The following DNAH17 variants were observed in gnomAD, a reference collection of about 807,000 sequenced individuals.
DNAH17 encodes dynein axonemal heavy chain 17.
DNAH17 carries 376 observed loss-of-function variants against 485.6 expected under a neutral mutation model. The observed-to-expected ratio is 0.77, with a 90% CI of 0.71 to 0.84. The LOEUF (loss-of-function observed/expected upper bound fraction) is 0.84, where lower values mean the gene tolerates loss of function less well. Among genes scored for constraint, DNAH17 ranks in the 40% least tolerant of loss-of-function variants. The pLI is 0.00. For synonymous variants in DNAH17, 3,031 were observed against 2,405.9 expected (o/e 1.26, Z -7.60); for missense variants, 6,370 against 5,839.3 (o/e 1.09, Z -2.96).
intron 16 of DNAH17, among the ~76,000 whole-genome samples, chr17:78,547,621 T>A (rs1345983330): frequency 2.0e-5 from 1 of 50,876 alleles, no homozygotes; most frequent in African/African-American, 5.9e-5. Flanking sequence ...ATTACTATTT[T>A]TTTTTTTTTT....
intron 48 of DNAH17, among the ~76,000 whole-genome samples, chr17:78,483,651 T>C (rs1389714477): frequency 1.3e-5 from 1 of 74,568 alleles, no homozygotes; most frequent in Non-Finnish European, 2.8e-5. Context: ...ATAATAATAA[T>C]AATAATAACC....
intron 17 of DNAH17, among the ~76,000 whole-genome samples, chr17:78,542,882 A>C (rs2091637475): frequency 6.6e-6 from 1 of 152,216 alleles, no homozygotes. Flanking sequence ...TGGGAAATCC[A>C]CGGGGGATAC....
intron 25 of DNAH17, among the ~76,000 whole-genome samples, chr17:78,517,658 C>T (rs1351095249): frequency 6.6e-6 from 1 of 152,190 alleles, no homozygotes; most frequent in African/African-American, 2.4e-5. Context: ...TCACCCTCTC[C>T]ACAACCTACC....
rs181505439 is a variant in DNAH17 at position 78,464,559 on chromosome 17, C to T, written c.8941-1482G>A. ...TATAGGCGTGAGCCACTGCCCCCAG[C>T]CCTCGGCACCATCTTTCAATGAAAA... On this transcript the variant is annotated intron_variant, in intron 56 of 80. Coordinates refer to ENST00000389840, the MANE Select transcript of DNAH17 (RefSeq NM_173628.4). 3.5e-3 allele frequency among the ~76,000 whole-genome samples: 540 copies of T among 152,392 alleles called. 2 individuals carry two copies. Among genetic ancestry groups the T allele is most frequent in the Non-Finnish European group, 5.6e-3 (382 of 68,042 alleles).
At chr17:78,447,532 C>G (rs577992000) in intron 69 of DNAH17, among the ~76,000 whole-genome samples, 1 of 152,202 alleles carries the variant, frequency 6.6e-6, no homozygotes, top group Non-Finnish European at 1.5e-5. Context: ...AGTGCCCAAA[C>G]GGTCTGTTTT....
In DNAH17 at chr17:78,425,576, A is replaced by G. The variant is rs2086408789; in HGVS notation, c.12916-5T>C. On this transcript the variant is annotated splice_polypyrimidine_tract_variant and splice_region_variant and intron_variant, in intron 79 of 80. Transcript: ENST00000389840. ...TGTCGTCCAGGCCTCGAGTTCCTGC[A>G]AGGACACACGAGCCGCTAGGAGGAG... The G allele has an allele frequency of 1.3e-6, 2 of 1,599,620 alleles. No individual in the cohort carries two copies. Among genetic ancestry groups the G allele is most frequent in the Non-Finnish European group, 1.7e-6 (2 of 1,173,768 alleles).
At chr17:78,442,750 C>A (rs2087122686) in intron 71 of DNAH17, among the ~76,000 whole-genome samples, 1 of 152,172 alleles carries the variant, frequency 6.6e-6, no homozygotes, top group Admixed American at 6.5e-5. Flanking sequence ...ACAGAGGAAG[C>A]ACTTACGCCA....
chr17:78,532,445 G>T, intron 20 of DNAH17, 37 bp downstream of exon 20: 1 of 1,576,654 alleles, frequency 6.3e-7, no homozygotes, highest in South Asian at 1.2e-5. Context: ...GGAAGACTCT[G>T]GAGACAAGGA....
At chr17:78,510,969 T>G (rs1453587960) in intron 26 of DNAH17, among the ~76,000 whole-genome samples, 3 of 152,190 alleles carry the variant, frequency 2.0e-5, no homozygotes, top group Admixed American at 2.0e-4. Flanking sequence ...ACAGGCATGA[T>G]GCGGCCACAG....
At chr17:78,547,511 G>T (rs1217051109) in intron 16 of DNAH17, among the ~76,000 whole-genome samples, 6 of 152,078 alleles carry the variant, frequency 3.9e-5, no homozygotes, top group Non-Finnish European at 8.8e-5. Flanking sequence ...GTGTCATCTG[G>T]CCTGGAAATC....
chr17:78,439,249 A>T, intron 72 of DNAH17, 32 bp from the exon 73 acceptor site: 2 of 1,588,120 alleles, frequency 1.3e-6, no homozygotes, highest in Non-Finnish European at 1.7e-6. Flanking sequence ...AAAAAACACC[A>T]CGTAATTAAA....
At chr17:78,468,473 C>T (rs1368304803) in intron 55 of DNAH17, 144 bp downstream of exon 55, 4 of 1,118,852 alleles carry the variant, frequency 3.6e-6, no homozygotes, top group East Asian at 2.6e-5. Flanking sequence ...CATCAGACAG[C>T]CCCACCCCTC....
intron 20 of DNAH17, among the ~76,000 whole-genome samples, chr17:78,530,746 G>A (rs1047041034): frequency 2.0e-5 from 3 of 152,170 alleles, no homozygotes; most frequent in African/African-American, 7.2e-5. Context: ...ATCAGAAAGG[G>A]GCAGAAGGGG....
At chr17:78,525,511 T>C (rs1303812293) in intron 24 of DNAH17, among the ~76,000 whole-genome samples, 2 of 152,264 alleles carry the variant, frequency 1.3e-5, no homozygotes, top group Non-Finnish European at 2.9e-5. Flanking sequence ...ACTTAAGTAA[T>C]GCTTTGAAAA....
chr17:78,501,882 GA>G lies in DNAH17; in HGVS notation c.5191-10del. On this transcript the variant is annotated splice_polypyrimidine_tract_variant and intron_variant, in intron 33 of 80. Transcript: ENST00000389840. Reference sequence around the variant, plus strand: ...ACGTTCAGCTGGCTAATCTGCGGGGGAGAGTGCCTTCGATGAGACACCACGG... The same window carrying G: ...ACGTTCAGCTGGCTAATCTGCGGGGGGAGTGCCTTCGATGAGACACCACGG... 6.2e-7 allele frequency: 1 copy of G among 1,613,914 alleles called. No homozygotes were observed. The highest frequency in any genetic ancestry group is 1.1e-5 in the South Asian group (1 of 91,074).
At position 78,485,034 on chromosome 17, in the gene DNAH17, C is replaced by G. The variant is rs1008279775; in HGVS notation, c.7484-1G>C. ...TTCTCCAGCGGCTTCTCCAGCACCCCTAGAGAGGGCAGAGGGTCAGCTGCC... is the reference window on the plus strand; with the variant it reads ...TTCTCCAGCGGCTTCTCCAGCACCCGTAGAGAGGGCAGAGGGTCAGCTGCC... On this transcript the variant is annotated splice_acceptor_variant, in intron 47 of 80. Coordinates refer to ENST00000389840, the MANE Select transcript of DNAH17 (RefSeq NM_173628.4). LOFTEE classifies it high-confidence loss of function. The G allele has an allele frequency of 1.2e-6, 2 of 1,604,596 alleles. No homozygotes were observed. The highest frequency in any genetic ancestry group is 1.7e-6 in the Non-Finnish European group (2 of 1,175,368).
Position 78,560,973 on chromosome 17 carries a change from T to A in DNAH17, c.1836-38A>T, listed in dbSNP as rs146225905. The A allele has an allele frequency of 5.2e-4, 800 of 1,528,730 alleles. 5 individuals are homozygous for A. The African/African-American group carries it at 0.01, about 19-fold the overall frequency. The allele number at this position is 1,528,730 out of a possible 1,614,324, so 94.7% of individuals were successfully genotyped here. A position where few individuals can be genotyped will look rare whatever the true frequency, so the allele number is the denominator to read the frequency against. ...CGGGAAGGCGAGGCCCCACTGGATA[T>A]CTCCTGTGGGGTGTCTTCGGCACGT... On this transcript the variant is annotated intron_variant, in intron 12 of 80. Transcript: ENST00000389840.
chr17:78,536,211 G>A (rs772025857), intron 19 of DNAH17, among the ~76,000 whole-genome samples: 3 of 152,162 alleles, frequency 2.0e-5, no homozygotes, highest in Admixed American at 6.5e-5. Context: ...AGGCCAAGGC[G>A]GGTGGATCAC....
intron 48 of DNAH17, among the ~76,000 whole-genome samples, chr17:78,483,864 A>G (rs922225416): frequency 1.3e-5 from 2 of 152,094 alleles, no homozygotes; most frequent in Non-Finnish European, 2.9e-5. Flanking sequence ...TGTGAGGCCA[A>G]GGCGGGCGGA....
Sources: gnomAD v4.1 joint callset for allele counts (sites outside exome capture counted in the v4.1 genomes callset) on GRCh38, gnomAD v4.1.1 for gene constraint, MANE v1.5 for transcripts, NCBI Gene and HGNC (gene_info 2026-07-23, HGNC 2026-07-21) for gene names.